GALNT17: variants seen among roughly 807,000 people sequenced by gnomAD.
GALNT17 encodes the protein polypeptide N-acetylgalactosaminyltransferase 17.
In GALNT17, 29 loss-of-function variants were observed where a neutral mutation model predicts 63.7. The ratio of observed to expected loss-of-function variants is 0.46; its 90% CI spans 0.34 to 0.62. The LOEUF is 0.62. Among genes scored for constraint, GALNT17 ranks in the 20% least tolerant of loss-of-function variants. GALNT17 has a pLI of 0.01. For missense variants in GALNT17, 603 were observed against 799.6 expected, an observed-to-expected ratio of 0.75 and a Z score of 2.97; for synonymous variants, 305 against 318.3, an observed-to-expected ratio of 0.96 and a Z score of 0.45.
At chr7:71,450,729 G>A (rs1033964412) in intron 5 of GALNT17, among the ~76,000 whole-genome samples, 5 of 152,086 alleles carry the variant, frequency 3.3e-5, no homozygotes, top group Non-Finnish European at 7.4e-5. Context: ...GGATTTGCCT[G>A]TTCTGGATGT....
At chr7:71,633,292 C>G (rs537511259) in intron 6 of GALNT17, among the ~76,000 whole-genome samples, 22 of 152,092 alleles carry the variant, frequency 1.4e-4, no homozygotes, top group African/African-American at 5.1e-4. Context: ...ATATGGAACA[C>G]TCTAGTGCAA....
intron 6 of GALNT17, among the ~76,000 whole-genome samples, chr7:71,623,240 C>T (rs1790322165): frequency 6.6e-6 from 1 of 152,120 alleles, no homozygotes; most frequent in South Asian, 2.1e-4. Flanking sequence ...CTCTGTGCCT[C>T]CTTTTCCTCA....
chr7:71,421,061 C>T lies in GALNT17; in HGVS notation c.918C>T (p.Pro306=). The T allele has an allele frequency of 6.2e-7, 1 of 1,614,112 alleles. No individual in the cohort carries two copies. The highest frequency in any genetic ancestry group is 1.3e-5 in the African/African-American group (1 of 75,036). ...AGCTGTGGTGCATGTACATCAGCCC[C>T]CCAAAAGACTGGTGGGACGCCGGAG... ...SWELWCMYIS[P]PKDWWDAGDP... The change falls in exon 5 of 11, where the codon CCC becomes CCT. Residue 306 remains proline (P), a synonymous_variant. Transcript: ENST00000333538.
chr7:71,321,385 G>A lies in GALNT17; in HGVS notation c.239-14165G>A, dbSNP rs114402223. Among the ~76,000 whole-genome samples the A allele has an allele frequency of 4.6e-3, 701 of 152,240 alleles. 2 individuals carry two copies. The highest frequency in any genetic ancestry group is 0.016 in the African/African-American group (656 of 41,554). ...CAGAGACTGTCCAAGACAGACATAC[G>A]TGTTTATCTTCTCCTCACACAGGGG... On this transcript the variant is annotated intron_variant, in intron 1 of 10. Transcript: ENST00000333538.
At chr7:71,345,147 G>GTTT (rs67919212) in intron 2 of GALNT17, among the ~76,000 whole-genome samples, 13 of 139,458 alleles carry the variant, frequency 9.3e-5, no homozygotes, top group African/African-American at 3.1e-4. Flanking sequence ...GTTGTTTTTT[G>GTTT]TTTTTTTTTT....
chr7:71,499,004 A>T (rs912089267), intron 5 of GALNT17, among the ~76,000 whole-genome samples: 1 of 152,220 alleles, frequency 6.6e-6, no homozygotes, highest in Non-Finnish European at 1.5e-5. Context: ...ACCTGTAAGG[A>T]TGACCTGCAG....
chr7:71,512,675 G>A (rs1387527184), intron 5 of GALNT17, among the ~76,000 whole-genome samples: 1 of 152,212 alleles, frequency 6.6e-6, no homozygotes, highest in African/African-American at 2.4e-5. Flanking sequence ...CACCCCCTGG[G>A]AAGTGGCCCA....
In GALNT17 at chr7:71,329,477, G is replaced by A. The variant is rs958706257; in HGVS notation, c.239-6073G>A. On this transcript the variant is annotated intron_variant, in intron 1 of 10. Transcript: ENST00000333538. Reference sequence around the variant, plus strand: ...CAGTGGAGCGTGTCTGTATTAGTCCGTTCTCCTACTGCTATTAAAAACTAC... The same window carrying A: ...CAGTGGAGCGTGTCTGTATTAGTCCATTCTCCTACTGCTATTAAAAACTAC... Among the ~76,000 whole-genome samples the A allele has an allele frequency of 2.6e-5, 4 of 152,074 alleles. No homozygotes were observed. The South Asian group carries it at 8.3e-4, about 31-fold the overall frequency.
At chr7:71,243,426 C>T (rs1434855954) in intron 1 of GALNT17, among the ~76,000 whole-genome samples, 1 of 152,086 alleles carries the variant, frequency 6.6e-6, no homozygotes, top group East Asian at 1.9e-4. Flanking sequence ...AGTGTCTGCT[C>T]ATCATTCTTG....
chr7:71,235,377 A>G (rs1789869450), intron 1 of GALNT17, among the ~76,000 whole-genome samples: 1 of 152,108 alleles, frequency 6.6e-6, no homozygotes, highest in Non-Finnish European at 1.5e-5. Flanking sequence ...CGTCATCTTA[A>G]TACTGCCACC....
intron 4 of GALNT17, among the ~76,000 whole-genome samples, chr7:71,417,529 G>T (rs892209921): frequency 6.6e-6 from 1 of 152,106 alleles, no homozygotes; most frequent in African/African-American, 2.4e-5. Flanking sequence ...CACAGCATCC[G>T]CAGAATCTGA....
intron 1 of GALNT17, among the ~76,000 whole-genome samples, chr7:71,296,259 G>T (rs1562979135): frequency 6.6e-6 from 1 of 152,112 alleles, no homozygotes; most frequent in African/African-American, 2.4e-5. Context: ...TCCTTATTAT[G>T]TAGGAGATAT....
At chr7:71,379,660 GA>G (rs766961756) in intron 2 of GALNT17, among the ~76,000 whole-genome samples, 53 of 152,296 alleles carry the variant, frequency 3.5e-4, no homozygotes, top group Non-Finnish European at 6.6e-4. Flanking sequence ...TTTGACTCCT[GA>G]AGAGACAGGG....
At chr7:71,138,040 G>T (rs1482732180) in intron 1 of GALNT17, among the ~76,000 whole-genome samples, 2 of 152,172 alleles carry the variant, frequency 1.3e-5, no homozygotes, top group South Asian at 2.1e-4. Flanking sequence ...TAAAGAAAAG[G>T]AAATGTTATT....
chr7:71,389,177 A>G (rs1038301400), intron 3 of GALNT17, among the ~76,000 whole-genome samples: 4 of 151,610 alleles, frequency 2.6e-5, no homozygotes, highest in African/African-American at 9.7e-5. Flanking sequence ...TCCATCACCC[A>G]GGCTGGAGTG....
At chr7:71,522,568 A>G (rs969221115) in intron 5 of GALNT17, among the ~76,000 whole-genome samples, 9 of 152,158 alleles carry the variant, frequency 5.9e-5, no homozygotes, top group Non-Finnish European at 7.3e-5. Flanking sequence ...CCATGAGAAC[A>G]GTATGGGAAA....
At chr7:71,421,224 T>G in intron 5 of GALNT17, 119 bp downstream of exon 5, 2 of 1,023,824 alleles carry the variant, frequency 2.0e-6, no homozygotes, top group Non-Finnish European at 2.8e-6. Flanking sequence ...CACACAGCTC[T>G]CCAGGAGCCG....
At chr7:71,254,137 G>C (rs975570844) in intron 1 of GALNT17, among the ~76,000 whole-genome samples, 1 of 152,206 alleles carries the variant, frequency 6.6e-6, no homozygotes, top group African/African-American at 2.4e-5. Flanking sequence ...CCAGGTCATA[G>C]GTAGATTCAA....
At chr7:71,285,216 A>T (rs770645634) in intron 1 of GALNT17, among the ~76,000 whole-genome samples, 8 of 152,156 alleles carry the variant, frequency 5.3e-5, no homozygotes, top group Admixed American at 4.6e-4. Flanking sequence ...CTTTGACTAC[A>T]TATTATTTGA....
Sources: allele counts gnomAD v4.1 joint callset (sites outside exome capture counted in the v4.1 genomes callset), GRCh38; gene constraint gnomAD v4.1.1; transcripts MANE v1.5; gene names NCBI Gene and HGNC (gene_info 2026-07-23, HGNC 2026-07-21).